DTNB: variants seen among roughly 807,000 people sequenced by gnomAD.
DTNB encodes the protein dystrobrevin beta.
DTNB carries 63 observed loss-of-function variants against 90.7 expected under a neutral mutation model. That is an observed-to-expected ratio of 0.69 (90% CI 0.57 to 0.86). The LOEUF is 0.86. DTNB is among the 40% of genes least tolerant of loss of function. The probability of loss-of-function intolerance (pLI) is 0.00; values close to 1 mark genes in which losing one functional copy is unlikely to be tolerated. For missense variants in DTNB, 744 were observed against 807.1 expected, an observed-to-expected ratio of 0.92 and a Z score of 0.95; for synonymous variants, 277 against 286.7, an observed-to-expected ratio of 0.97 and a Z score of 0.34.
chr2:25,407,368 C>G (rs72849877), intron 16 of DTNB, among the ~76,000 whole-genome samples: 2 of 152,154 alleles, frequency 1.3e-5, no homozygotes, highest in Admixed American at 6.5e-5. Context: ...GATGGAGATT[C>G]TTTGAAGAAC....
At position 25,544,737 on chromosome 2, in the gene DTNB, A is replaced by C. The variant is rs547097183; in HGVS notation, c.877-13140T>G. On this transcript the variant is annotated intron_variant, in intron 8 of 20. Coordinates refer to ENST00000406818, the MANE Select transcript of DTNB (RefSeq NM_021907.5). ...CATGCCTCAACCAATTTCATGCCAT[A>C]GTTTAGTACTTCAGCTGCACCTTAT... is the stretch of plus-strand genomic sequence containing the variant. Among the ~76,000 whole-genome samples, 9 of 152,352 alleles carry C rather than the reference A, an allele frequency of 5.9e-5. No homozygotes were observed. In the South Asian group the frequency reaches 1.9e-3, roughly 32 times the overall value.
At chr2:25,482,746 A>C (rs1305042347) in intron 10 of DTNB, 50 bp downstream of exon 10, 5 of 1,588,092 alleles carry the variant, frequency 3.1e-6, no homozygotes, top group East Asian at 2.2e-5. Context: ...GGGCATCGCA[A>C]ATCAGTAGCA....
intron 6 of DTNB, among the ~76,000 whole-genome samples, chr2:25,582,161 T>C (rs1411909655): frequency 1.3e-5 from 2 of 152,194 alleles, no homozygotes; most frequent in East Asian, 1.9e-4. Flanking sequence ...GCTGGCTGAT[T>C]ACAAAATAAC....
chr2:25,381,681 T>C (rs1230860034), intron 19 of DTNB, among the ~76,000 whole-genome samples: 1 of 152,254 alleles, frequency 6.6e-6, no homozygotes, highest in Non-Finnish European at 1.5e-5. Flanking sequence ...CAGCCTAGTC[T>C]GACCTTTTGG....
At chr2:25,435,313 G>C (rs1414174579) in intron 12 of DTNB, among the ~76,000 whole-genome samples, 1 of 152,088 alleles carries the variant, frequency 6.6e-6, no homozygotes, top group East Asian at 1.9e-4. Flanking sequence ...GAGCCATCAG[G>C]CTTGGCCGAA....
intron 6 of DTNB, among the ~76,000 whole-genome samples, chr2:25,591,606 G>T (rs1445165643): frequency 6.6e-6 from 1 of 152,168 alleles, no homozygotes; most frequent in Non-Finnish European, 1.5e-5. Context: ...AAACTCTGAA[G>T]AATGTTAATA....
rs189253797 is a variant in DTNB at position 25,534,589 on chromosome 2, C to T, written c.877-2992G>A. Among the ~76,000 whole-genome samples the T allele has an allele frequency of 3.1e-3, 454 of 146,862 alleles. 12 individuals are homozygous for T. In the East Asian group the frequency reaches 0.053, roughly 17 times the overall value. ...GCGCTCCTTCACTTCCCAGACGGGG[C>T]GGCTGGGCAGAGGCACTCCTCACTT... On this transcript the variant is annotated intron_variant, in intron 8 of 20. Coordinates refer to ENST00000406818, the MANE Select transcript of DTNB (RefSeq NM_021907.5).
chr2:25,612,026 T>A (rs2068764877), intron 4 of DTNB, among the ~76,000 whole-genome samples: 1 of 151,804 alleles, frequency 6.6e-6, no homozygotes, highest in South Asian at 2.1e-4. Context: ...ATAAAGGGGG[T>A]AGAAAACTGT....
intron 10 of DTNB, among the ~76,000 whole-genome samples, chr2:25,476,347 G>A (rs1023599141): frequency 6.6e-6 from 1 of 152,122 alleles, no homozygotes; most frequent in Non-Finnish European, 1.5e-5. Context: ...GGGGTTATAG[G>A]CCACCACACC....
Position 25,469,920 on chromosome 2 carries a change from T to A in DTNB, c.1079+12876A>T, listed in dbSNP as rs189418740. 4.6e-5 allele frequency among the ~76,000 whole-genome samples: 7 copies of A among 152,112 alleles called. 1 individual carries two copies. In the East Asian group the frequency reaches 7.7e-4, roughly 17 times the overall value. On this transcript the variant is annotated intron_variant, in intron 10 of 20. Transcript: ENST00000406818. The stretch of plus-strand genomic sequence containing the variant: ...AACTCAGTGAGGAGGCCGTGCAATA[T>A]CATCTGCTAAAATTTAAGGCTAGGA...
Position 25,531,609 on chromosome 2 carries a change from C to G in DTNB, c.877-12G>C. The G allele has an allele frequency of 1.9e-6, 3 of 1,612,376 alleles. No individual in the cohort carries two copies. Among genetic ancestry groups the G allele is most frequent in the Non-Finnish European group, 2.5e-6 (3 of 1,179,422 alleles). The stretch of plus-strand genomic sequence containing the variant: ...TTTGCAGGAGATTTCTGTGTCAAAG[C>G]AGAAAATAGTAAGGAATTAACCCTT... On this transcript the variant is annotated splice_polypyrimidine_tract_variant and intron_variant, in intron 8 of 20. Coordinates refer to ENST00000406818, the MANE Select transcript of DTNB (RefSeq NM_021907.5).
chr2:25,479,150 G>C (rs2150361944), intron 10 of DTNB, among the ~76,000 whole-genome samples: 1 of 152,270 alleles, frequency 6.6e-6, no homozygotes, highest in Admixed American at 6.5e-5. Context: ...GAAGGCTTTT[G>C]TTACTTCCAC....
intron 4 of DTNB, among the ~76,000 whole-genome samples, chr2:25,627,142 G>A (rs2074349958): frequency 6.6e-6 from 1 of 152,182 alleles, no homozygotes; most frequent in Non-Finnish European, 1.5e-5. Context: ...GCCAGGTGTG[G>A]TGGCTCACAC....
intron 9 of DTNB, among the ~76,000 whole-genome samples, chr2:25,520,269 G>A (rs1192316645): frequency 1.2e-4 from 19 of 152,206 alleles, no homozygotes; most frequent in Admixed American, 8.5e-4. Flanking sequence ...CTACTTGGGT[G>A]ACTGAGGCAG....
At chr2:25,443,207 G>C (rs945641301) in intron 12 of DTNB, among the ~76,000 whole-genome samples, 4 of 152,176 alleles carry the variant, frequency 2.6e-5, no homozygotes, top group Admixed American at 6.5e-5. Context: ...TTAAAGCTCT[G>C]TATTTAAGAA....
intron 12 of DTNB, among the ~76,000 whole-genome samples, chr2:25,444,578 A>G (rs1206096969): frequency 6.6e-6 from 1 of 151,564 alleles, no homozygotes; most frequent in Non-Finnish European, 1.5e-5. Flanking sequence ...AGGAAAACAA[A>G]TTCTCTCTCC....
chr2:25,386,578 G>T (rs1402885438), intron 18 of DTNB, among the ~76,000 whole-genome samples: 1 of 152,212 alleles, frequency 6.6e-6, no homozygotes, highest in Non-Finnish European at 1.5e-5. Context: ...GTAACTGGTA[G>T]AGTCATGGGG....
intron 12 of DTNB, among the ~76,000 whole-genome samples, chr2:25,438,151 G>C (rs1452541589): frequency 6.6e-6 from 1 of 152,156 alleles, no homozygotes; most frequent in Non-Finnish European, 1.5e-5. Flanking sequence ...GCTGACGGAG[G>C]GAAGGAAGCT....
chr2:25,508,115 CT>C (rs1191875426), intron 9 of DTNB, among the ~76,000 whole-genome samples: 1 of 152,142 alleles, frequency 6.6e-6, no homozygotes, highest in Non-Finnish European at 1.5e-5. Context: ...CACTTATTAC[CT>C]TCTAATATAT....
Sources: gnomAD v4.1 joint callset for allele counts (sites outside exome capture counted in the v4.1 genomes callset) on GRCh38, gnomAD v4.1.1 for gene constraint, MANE v1.5 for transcripts, NCBI Gene and HGNC (gene_info 2026-07-23, HGNC 2026-07-21) for gene names.